Variants in AJAP1 observed in about 807,000 individuals in gnomAD.
AJAP1 encodes adherens junction-associated protein 1.
AJAP1 carries 5 observed loss-of-function variants against 35.0 expected under a neutral mutation model. That is an observed-to-expected ratio of 0.14 (90% confidence interval 0.07 to 0.30). The LOEUF is 0.30. Ranked by LOEUF, AJAP1 falls within the 10% of genes least tolerant of loss-of-function variation. AJAP1 has a pLI of 1.00. For missense variants in AJAP1, 586 were observed against 571.0 expected, an observed-to-expected ratio of 1.03 and a Z score of -0.27; for synonymous variants, 284 against 249.3, an observed-to-expected ratio of 1.14 and a Z score of -1.31.
intron 1 of AJAP1, among the ~76,000 whole-genome samples, chr1:4,705,609 C>T (rs1570134157): frequency 6.6e-6 from 1 of 151,022 alleles, no homozygotes; most frequent in Middle Eastern, 3.4e-3. Flanking sequence ...CCCTGGGTAC[C>T]CTGTATGAGG....
chr1:4,703,120 T>C (rs144335637), intron 1 of AJAP1, among the ~76,000 whole-genome samples: 99 of 152,280 alleles, frequency 6.5e-4, no homozygotes, highest in South Asian at 4.8e-3. Flanking sequence ...GGAGGGATGT[T>C]TTCAATCATA....
intron 1 of AJAP1, among the ~76,000 whole-genome samples, chr1:4,683,070 C>T (rs1027124732): frequency 2.0e-5 from 3 of 152,192 alleles, no homozygotes; most frequent in African/African-American, 7.2e-5. Context: ...GCCAGAGATC[C>T]AGCACTCTTA....
At chr1:4,663,955 A>G (rs1442800578) in intron 1 of AJAP1, among the ~76,000 whole-genome samples, 1 of 152,190 alleles carries the variant, frequency 6.6e-6, no homozygotes. Flanking sequence ...GTTCTTTCTC[A>G]TAAACACCCT....
intron 1 of AJAP1, among the ~76,000 whole-genome samples, chr1:4,687,498 G>A (rs554122501): frequency 6.6e-6 from 1 of 152,322 alleles, no homozygotes; most frequent in Admixed American, 6.5e-5. Flanking sequence ...GACCCCTGCG[G>A]TCCATGGGGA....
Position 4,712,356 on chromosome 1 carries a change from C to G in AJAP1, c.486C>G (p.Asp162Glu). ...GGGGCAAGAGGCACCTGCAGGGGGACGGTCTCAGCAGCTTCGACTCCAGAG... is the reference window on the plus strand; with the variant it reads ...GGGGCAAGAGGCACCTGCAGGGGGAGGGTCTCAGCAGCTTCGACTCCAGAG... ...LRRGKRHLQG[D>E]GLSSFDSRGS... The change falls in exon 2 of 6, where the codon GAC becomes GAG. Residue 162 changes from aspartate (D) to glutamate (E), a missense_variant. Transcript: ENST00000378191. The G allele has an allele frequency of 1.3e-6, 2 of 1,507,686 alleles. No individual in the cohort carries two copies. The allele number at this position is 1,507,686 out of a possible 1,614,324, so 93.4% of individuals were successfully genotyped here. A position where few individuals can be genotyped will look rare whatever the true frequency, so the allele number is the denominator to read the frequency against.
intron 2 of AJAP1, among the ~76,000 whole-genome samples, chr1:4,752,251 A>G (rs1641336835): frequency 6.6e-6 from 1 of 151,944 alleles, no homozygotes; most frequent in South Asian, 2.1e-4. Context: ...GCTTTGTTTC[A>G]CCGAGATGAA....
At chr1:4,741,750 A>G (rs1194740793) in intron 2 of AJAP1, among the ~76,000 whole-genome samples, 3 of 152,178 alleles carry the variant, frequency 2.0e-5, no homozygotes, top group Non-Finnish European at 4.4e-5. Context: ...ATTTCTTGGA[A>G]CCAGGGCTCA....
intron 2 of AJAP1, among the ~76,000 whole-genome samples, chr1:4,738,942 G>C (rs1640994358): frequency 6.6e-6 from 1 of 152,150 alleles, no homozygotes; most frequent in African/African-American, 2.4e-5. Flanking sequence ...CACTTAGGAG[G>C]AGAAGGAGGT....
chr1:4,655,394 A>T lies in AJAP1; in HGVS notation c.-32A>T. The T allele has an allele frequency of 6.5e-7, 1 of 1,544,788 alleles. No homozygotes were observed. Among genetic ancestry groups the T allele is most frequent in the African/African-American group, 1.4e-5 (1 of 69,976 alleles). ...GCCGCGCAGATGGCCTGGGCGAGCC[A>T]GGTCTGAGGCCCCGCTCCCCGAAAC... On this transcript the variant is annotated 5_prime_UTR_variant, in exon 1 of 6. Transcript: ENST00000378191. This position sits in a 1 kb window ranked among gnomAD's most constrained non-coding sequence, Gnocchi z 6.9.
chr1:4,691,249 G>A (rs773821002), intron 1 of AJAP1, among the ~76,000 whole-genome samples: 2 of 152,118 alleles, frequency 1.3e-5, no homozygotes, highest in South Asian at 2.1e-4. Context: ...AGCCACCCTC[G>A]GGTGCTCCTC....
intron 2 of AJAP1, among the ~76,000 whole-genome samples, chr1:4,764,367 G>A (rs1440549748): frequency 6.6e-6 from 1 of 152,164 alleles, no homozygotes; most frequent in Non-Finnish European, 1.5e-5. Context: ...GTTCCCAGGA[G>A]GTGAGCAACT....
rs538490899 is a variant in AJAP1 at position 4,693,151 on chromosome 1, C to T, written c.30-18749C>T. On this transcript the variant is annotated intron_variant, in intron 1 of 5. Coordinates refer to ENST00000378191, the MANE Select transcript of AJAP1 (RefSeq NM_018836.4). This position sits in a 1 kb window ranked among gnomAD's most constrained non-coding sequence, Gnocchi z 4.4. ...TTTCTCCCAGTTTATGGGGAGAAAC[C>T]GAGGAAACCTTGGAGAAGCCCCCAT... is the stretch of plus-strand genomic sequence containing the variant. Among the ~76,000 whole-genome samples the T allele has an allele frequency of 4.6e-5, 7 of 152,154 alleles. No individual in the cohort carries two copies. The highest frequency in any genetic ancestry group is 7.2e-5 in the African/African-American group (3 of 41,512).
chr1:4,704,677 TG>T (rs1393414553), intron 1 of AJAP1, among the ~76,000 whole-genome samples: 1 of 152,214 alleles, frequency 6.6e-6, no homozygotes, highest in African/African-American at 2.4e-5. Context: ...TACCCAGTCA[TG>T]GGATGGCTGG....
intron 2 of AJAP1, among the ~76,000 whole-genome samples, chr1:4,731,837 G>T (rs546773777): frequency 4.7e-4 from 71 of 152,248 alleles, no homozygotes; most frequent in African/African-American, 1.4e-3. Flanking sequence ...CTACCCTTCC[G>T]CCCCTGTCCT....
At position 4,693,074 on chromosome 1, in the gene AJAP1, C is replaced by T. The variant is rs1639780114; in HGVS notation, c.30-18826C>T. Among the ~76,000 whole-genome samples the T allele has an allele frequency of 6.6e-6, 1 of 152,106 alleles. No homozygotes were observed. The highest frequency in any genetic ancestry group is 1.5e-5 in the Non-Finnish European group (1 of 68,018). ...CACCTCAGCTGTGCTTTACAGTTTCCTGGAAGCCACCCTTCCCTCACCATG... is the reference window on the plus strand; with the variant it reads ...CACCTCAGCTGTGCTTTACAGTTTCTTGGAAGCCACCCTTCCCTCACCATG... On this transcript the variant is annotated intron_variant, in intron 1 of 5. Coordinates refer to ENST00000378191, the MANE Select transcript of AJAP1 (RefSeq NM_018836.4). The surrounding 1 kb of genome is among the most constrained non-coding windows in gnomAD (Gnocchi z 4.4).
At chr1:4,697,631 C>T (rs550600431) in intron 1 of AJAP1, among the ~76,000 whole-genome samples, 1 of 152,236 alleles carries the variant, frequency 6.6e-6, no homozygotes, top group Non-Finnish European at 1.5e-5. Context: ...TGTGGTGGCA[C>T]CTACTAGCTA....
chr1:4,685,317 TCAG>T (rs1440085649), intron 1 of AJAP1, among the ~76,000 whole-genome samples: 3 of 152,148 alleles, frequency 2.0e-5, no homozygotes, highest in African/African-American at 7.2e-5. Flanking sequence ...GTATGAAAAA[TCAG>T]CAGATCTTTG....
intron 1 of AJAP1, among the ~76,000 whole-genome samples, chr1:4,674,950 G>T (rs550913543): frequency 2.0e-5 from 3 of 152,266 alleles, no homozygotes; most frequent in Admixed American, 6.5e-5. Context: ...ACGTTGCCAT[G>T]TGGCCATGGA....
chr1:4,669,510 C>A (rs1035164227), intron 1 of AJAP1, among the ~76,000 whole-genome samples: 2 of 152,126 alleles, frequency 1.3e-5, no homozygotes, highest in African/African-American at 4.8e-5. Context: ...ATAAAACCAT[C>A]AGATCTCATG....
Sources: gnomAD v4.1 joint callset for allele counts (sites outside exome capture counted in the v4.1 genomes callset) on GRCh38, gnomAD v4.1.1 for gene constraint, Gnocchi (gnomAD v3.1) non-coding constraint, MANE v1.5 for transcripts, NCBI Gene and HGNC (gene_info 2026-07-23, HGNC 2026-07-21) for gene names.